CATSPERB: variants seen among roughly 807,000 people sequenced by gnomAD.
CATSPERB encodes the protein cation channel sperm-associated auxiliary subunit beta.
A neutral mutation model predicts 128.3 loss-of-function variants in CATSPERB; 93 were observed. The ratio of observed to expected loss-of-function variants is 0.72; its 90% CI spans 0.61 to 0.86. The LOEUF is 0.86. CATSPERB is among the 40% of genes least tolerant of loss of function. The probability of loss-of-function intolerance (pLI) is 0.00; values close to 1 mark genes in which losing one functional copy is unlikely to be tolerated. For synonymous variants in CATSPERB, 381 were observed against 448.8 expected (o/e 0.85, Z 1.91); for missense variants, 1,153 against 1,329.5 (o/e 0.87, Z 2.06).
At chr14:91,594,057 G>T (rs1358287289) in intron 22 of CATSPERB, among the ~76,000 whole-genome samples, 1 of 152,068 alleles carries the variant, frequency 6.6e-6, no homozygotes, top group African/African-American at 2.4e-5. Flanking sequence ...ATTCACAATA[G>T]CAAAGGCTTG....
intron 19 of CATSPERB, among the ~76,000 whole-genome samples, chr14:91,620,368 GATCA>G (rs1235646764): frequency 2.6e-5 from 4 of 151,994 alleles, no homozygotes; most frequent in African/African-American, 9.7e-5. Context: ...ACTGCCTTAT[GATCA>G]GTATCTGGGC....
intron 17 of CATSPERB, 38 bp downstream of exon 17, chr14:91,636,387 G>GAAACC: frequency 6.3e-7 from 1 of 1,591,594 alleles, no homozygotes; most frequent in East Asian, 2.2e-5. Flanking sequence ...GTAGATTCTA[G>GAAACC]AAACCAATAT....
chr14:91,634,274 A>G (rs537216095), intron 17 of CATSPERB, among the ~76,000 whole-genome samples: 9 of 152,340 alleles, frequency 5.9e-5, no homozygotes, highest in Admixed American at 3.3e-4. Context: ...ATCATCATAA[A>G]GATCTTCATC....
intron 2 of CATSPERB, among the ~76,000 whole-genome samples, chr14:91,727,897 T>C (rs1896144599): frequency 6.6e-6 from 1 of 152,162 alleles, no homozygotes; most frequent in Non-Finnish European, 1.5e-5. Flanking sequence ...AGCTCAAACG[T>C]CATATAACTA....
At chr14:91,715,187 T>C (rs939524452) in intron 5 of CATSPERB, 2 of 151,986 alleles carry the variant, frequency 1.3e-5, no homozygotes, top group Non-Finnish European at 2.9e-5. Context: ...AAAACCTGGG[T>C]GAAATAAATT....
Position 91,718,849 on chromosome 14 carries a change from C to T in CATSPERB, c.370+569G>A, listed in dbSNP as rs114929817. On this transcript the variant is annotated intron_variant, in intron 5 of 26. Transcript: ENST00000256343. ...GTCAAGTTGGTTTTGTTTAACGCAC[C>T]TATCATATTAAAACAACAAATCTTC... 5.2e-3 allele frequency among the ~76,000 whole-genome samples: 788 copies of T among 152,054 alleles called. 7 individuals carry two copies. The highest frequency in any genetic ancestry group is 0.018 in the African/African-American group (736 of 41,482).
intron 14 of CATSPERB, among the ~76,000 whole-genome samples, chr14:91,663,049 T>G (rs1894912643): frequency 6.6e-6 from 1 of 152,046 alleles, no homozygotes; most frequent in Non-Finnish European, 1.5e-5. Flanking sequence ...CTTTCTCTCC[T>G]TCTTCTTTCT....
chr14:91,613,935 C>T (rs1007562310), intron 20 of CATSPERB, among the ~76,000 whole-genome samples: 10 of 152,222 alleles, frequency 6.6e-5, no homozygotes, highest in Non-Finnish European at 1.3e-4. Context: ...TTGCAAGTAA[C>T]ACCCCCTCAT....
intron 17 of CATSPERB, among the ~76,000 whole-genome samples, chr14:91,631,697 A>C (rs1438089796): frequency 6.6e-6 from 1 of 151,950 alleles, no homozygotes; most frequent in Non-Finnish European, 1.5e-5. Flanking sequence ...ATAATAATAA[A>C]AAGGCCAAGA....
rs945937063 is a variant in CATSPERB at position 91,704,719 on chromosome 14, G to T, written c.467-18C>A. ...AATCGGTTCTGTGGAAATCAAATTT[G>T]GGTGTTTAAATTGTGGGAGCACCCT... is the stretch of plus-strand genomic sequence containing the variant. On this transcript the variant is annotated intron_variant, in intron 6 of 26. Coordinates refer to ENST00000256343, the MANE Select transcript of CATSPERB (RefSeq NM_024764.4). The T allele has an allele frequency of 3.2e-5, 52 of 1,605,690 alleles. No homozygotes were observed. The Middle Eastern group carries it at 5.0e-4, about 15-fold the overall frequency.
At chr14:91,706,978 T>C (rs1446355736) in intron 6 of CATSPERB, among the ~76,000 whole-genome samples, 1 of 152,234 alleles carries the variant, frequency 6.6e-6, no homozygotes, top group Non-Finnish European at 1.5e-5. Context: ...TATTCCATTC[T>C]TGCTATCCTT....
intron 14 of CATSPERB, among the ~76,000 whole-genome samples, chr14:91,663,495 A>G (rs185531787): frequency 0.011 from 1,701 of 152,124 alleles, 109 homozygotes; most frequent in Admixed American, 0.1. Context: ...AATACAAAAA[A>G]TTAGCTGGGT....
intron 15 of CATSPERB, 45 bp from the exon 16 acceptor site, chr14:91,639,295 A>G (rs1566714585): frequency 6.4e-7 from 1 of 1,559,786 alleles, no homozygotes; most frequent in Non-Finnish European, 8.7e-7. Context: ...ATGTAACAGA[A>G]GTCGAAAAAC....
intron 21 of CATSPERB, among the ~76,000 whole-genome samples, chr14:91,610,109 G>A (rs1458226552): frequency 6.6e-6 from 1 of 152,022 alleles, no homozygotes; most frequent in Non-Finnish European, 1.5e-5. Flanking sequence ...TATATTTCTT[G>A]AAAAAAATCC....
chr14:91,607,193 T>TA (rs1304362505), intron 22 of CATSPERB, among the ~76,000 whole-genome samples: 1 of 150,408 alleles, frequency 6.6e-6, no homozygotes, highest in African/African-American at 2.5e-5. Context: ...AAGAAATAGA[T>TA]AAAAACCTCT....
At chr14:91,664,318 T>A (rs1175398202) in intron 14 of CATSPERB, among the ~76,000 whole-genome samples, 3 of 133,904 alleles carry the variant, frequency 2.2e-5, no homozygotes, top group Non-Finnish European at 4.6e-5. Flanking sequence ...CAGGCTGGAG[T>A]GCAGTGGTGC....
intron 11 of CATSPERB, among the ~76,000 whole-genome samples, chr14:91,677,214 T>G (rs995069733): frequency 6.6e-6 from 1 of 152,042 alleles, no homozygotes; most frequent in Non-Finnish European, 1.5e-5. Context: ...AAAGCCAAAA[T>G]TGACAAACAG....
intron 20 of CATSPERB, among the ~76,000 whole-genome samples, chr14:91,611,691 A>G (rs1266440746): frequency 6.6e-6 from 1 of 152,170 alleles, no homozygotes; most frequent in African/African-American, 2.4e-5. Flanking sequence ...AGTTAATAAT[A>G]CTGTATTATA....
intron 15 of CATSPERB, among the ~76,000 whole-genome samples, chr14:91,657,567 A>G (rs1271186895): frequency 1.3e-5 from 2 of 152,144 alleles, no homozygotes; most frequent in African/African-American, 4.8e-5. Flanking sequence ...GAAACAATTA[A>G]CAAAGTGAAC....
Sources: gnomAD v4.1 joint callset for allele counts (sites outside exome capture counted in the v4.1 genomes callset) on GRCh38, gnomAD v4.1.1 for gene constraint, MANE v1.5 for transcripts, NCBI Gene and HGNC (gene_info 2026-07-23, HGNC 2026-07-21) for gene names.